TMEM272: variants seen among roughly 807,000 people sequenced by gnomAD.
TMEM272 encodes transmembrane protein 272.
A neutral mutation model predicts 3.7 loss-of-function variants in TMEM272; 8 were observed. That is an observed-to-expected ratio of 2.17 (90% CI 1.27 to 3.91). The LOEUF is 3.91. TMEM272 is among the 30% of genes most tolerant of loss of function. The pLI, the probability that TMEM272 is intolerant of heterozygous loss-of-function variation, is 0.00. For missense variants in TMEM272, 166 were observed against 91.5 expected, an observed-to-expected ratio of 1.81 and a Z score of -3.32; for synonymous variants, 63 against 39.8, an observed-to-expected ratio of 1.58 and a Z score of -2.20.
At chr13:51,904,658 AC>A in the TMEM272 span, among the ~76,000 whole-genome samples, 6 of 152,232 alleles carry the variant, frequency 3.9e-5, no homozygotes, top group Non-Finnish European at 5.9e-5. Context: ...AAATTCTGCA[AC>A]TTTTTGAGTA....
the TMEM272 span, among the ~76,000 whole-genome samples, chr13:51,879,683 C>A: frequency 2.6e-5 from 4 of 152,328 alleles, no homozygotes; most frequent in East Asian, 3.9e-4. Context: ...TCCACTTCCA[C>A]CAGGAATTTC....
chr13:51,898,283 G>C, the TMEM272 span, among the ~76,000 whole-genome samples: 1 of 151,856 alleles, frequency 6.6e-6, no homozygotes, highest in Non-Finnish European at 1.5e-5. Flanking sequence ...CAGTGCCCCT[G>C]CTCATAAACA....
At chr13:51,915,006 A>G in the TMEM272 span, among the ~76,000 whole-genome samples, 1 of 152,250 alleles carries the variant, frequency 6.6e-6, no homozygotes, top group Non-Finnish European at 1.5e-5. Flanking sequence ...AATTACAAAT[A>G]CAAAATTAGG....
the TMEM272 span, among the ~76,000 whole-genome samples, chr13:51,867,249 T>C: frequency 6.6e-6 from 1 of 152,090 alleles, no homozygotes; most frequent in Non-Finnish European, 1.5e-5. Flanking sequence ...GGAAGGTGCA[T>C]AAACCCATTG....
chr13:51,825,483 A>T (rs1407067159), intron 3 of TMEM272, among the ~76,000 whole-genome samples: 1 of 152,166 alleles, frequency 6.6e-6, no homozygotes, highest in Non-Finnish European at 1.5e-5. Flanking sequence ...CCTCAAAAGG[A>T]AGGCTCCTAC....
At chr13:51,866,008 G>A in the TMEM272 span, 1 of 1,612,104 alleles carries the variant, frequency 6.2e-7, no homozygotes. Context: ...CCGGAGAGCA[G>A]ATGCTCGAAG....
chr13:51,876,326 T>C, the TMEM272 span, among the ~76,000 whole-genome samples: 1 of 152,224 alleles, frequency 6.6e-6, no homozygotes, highest in Non-Finnish European at 1.5e-5. Flanking sequence ...TGGTGGTCTG[T>C]CTATTAAAAG....
the TMEM272 span, among the ~76,000 whole-genome samples, chr13:51,922,262 A>G: frequency 6.6e-6 from 1 of 152,212 alleles, no homozygotes; most frequent in South Asian, 2.1e-4. Flanking sequence ...CATCTCCAGA[A>G]AAGAGCCCTG....
chr13:51,907,193 T>TC, the TMEM272 span, among the ~76,000 whole-genome samples: 8 of 152,196 alleles, frequency 5.3e-5, no homozygotes, highest in Non-Finnish European at 8.8e-5. Context: ...GCCTTTGACA[T>TC]CCCCTAAGGG....
intron 2 of TMEM272, among the ~76,000 whole-genome samples, chr13:51,837,680 G>A (rs1302958500): frequency 6.6e-6 from 1 of 152,228 alleles, no homozygotes; most frequent in Non-Finnish European, 1.5e-5. Context: ...GTGCTGGCAT[G>A]CAGCAGTGCA....
At chr13:51,865,280 C>G in the TMEM272 span, 1 of 940,304 alleles carries the variant, frequency 1.1e-6, no homozygotes, top group Non-Finnish European at 1.6e-6. Flanking sequence ...AACCAAGGGC[C>G]GTCCCCTGGC....
At chr13:51,849,405 T>C (rs1027368832), upstream of TMEM272, among the ~76,000 whole-genome samples, 2 of 152,204 alleles carry the variant, frequency 1.3e-5, no homozygotes, top group African/African-American at 2.4e-5. Context: ...ATGAAAAAGA[T>C]TGGTTGCACA....
chr13:51,892,739 CA>C, the TMEM272 span, among the ~76,000 whole-genome samples: 1 of 152,132 alleles, frequency 6.6e-6, no homozygotes, highest in Non-Finnish European at 1.5e-5. Flanking sequence ...CCTCAGGTGG[CA>C]TCTCATGCAG....
the TMEM272 span, among the ~76,000 whole-genome samples, chr13:51,852,646 A>G: frequency 8.3e-4 from 126 of 152,164 alleles, no homozygotes; most frequent in East Asian, 0.014. Context: ...TTGGGAGGCC[A>G]AGGCGGGCAG....
chr13:51,913,849 T>A, the TMEM272 span, among the ~76,000 whole-genome samples: 2 of 152,210 alleles, frequency 1.3e-5, no homozygotes, highest in African/African-American at 4.8e-5. Flanking sequence ...CAGCCTGTTG[T>A]CATCAGGCAG....
At chr13:51,907,348 A>G in the TMEM272 span, among the ~76,000 whole-genome samples, 3 of 152,150 alleles carry the variant, frequency 2.0e-5, no homozygotes, top group Admixed American at 6.5e-5. Context: ...GGGTTAGCCA[A>G]TTCCTAGAGA....
chr13:51,902,083 G>A, the TMEM272 span, among the ~76,000 whole-genome samples: 10 of 152,202 alleles, frequency 6.6e-5, no homozygotes, highest in Non-Finnish European at 2.9e-5. Flanking sequence ...TATCAGGGGG[G>A]TTACTGCAGA....
At chr13:51,872,666 AAG>A in the TMEM272 span, among the ~76,000 whole-genome samples, 1 of 152,230 alleles carries the variant, frequency 6.6e-6, no homozygotes, top group East Asian at 1.9e-4. Flanking sequence ...GAAAAAGTGG[AAG>A]AGAGACAGAA....
chr13:51,920,342 G>C, the TMEM272 span, among the ~76,000 whole-genome samples: 1 of 152,170 alleles, frequency 6.6e-6, no homozygotes, highest in Non-Finnish European at 1.5e-5. Context: ...CAGCCAACGT[G>C]TATTTCCACT....
Sources: gnomAD v4.1 joint callset for allele counts (sites outside exome capture counted in the v4.1 genomes callset) on GRCh38, gnomAD v4.1.1 for gene constraint, MANE v1.5 for transcripts, NCBI Gene and HGNC (gene_info 2026-07-23, HGNC 2026-07-21) for gene names.